Variants in GLRA3 observed in about 807,000 individuals in gnomAD.
GLRA3 encodes glycine receptor subunit alpha-3.
GLRA3 carries 44 observed loss-of-function variants against 60.4 expected under a neutral mutation model. The ratio of observed to expected loss-of-function variants is 0.73; its 90% CI spans 0.57 to 0.94. GLRA3 has a LOEUF of 0.94. GLRA3 is among the 40% of genes least tolerant of loss of function. The pLI, the probability that GLRA3 is intolerant of heterozygous loss-of-function variation, is 0.00. For synonymous variants in GLRA3, 223 were observed against 192.9 expected (o/e 1.16, Z -1.29); for missense variants, 508 against 564.6 (o/e 0.90, Z 1.02).
In GLRA3 at chr4:174,726,376, G is replaced by C. The variant is rs145358844; in HGVS notation, c.491+2099C>G. ...ACCTCAATACCACCTGGTAAGACTG[G>C]AAGTCTGGGCTCCCCATTTGGGCTT... On this transcript the variant is annotated intron_variant, in intron 4 of 9. Transcript: ENST00000274093. Among the ~76,000 whole-genome samples, 694 of 152,304 alleles carry C rather than the reference G, an allele frequency of 4.6e-3. 13 individuals carry two copies. The highest frequency in any genetic ancestry group is 0.035 in the Admixed American group (530 of 15,296).
chr4:174,644,573 T>C (rs10013630), intron 9 of GLRA3, among the ~76,000 whole-genome samples: 81,654 of 151,882 alleles, frequency 0.54, 23,445 homozygotes, highest in African/African-American at 0.74. Flanking sequence ...AATAATACTG[T>C]TTGGTTTATG....
At chr4:174,753,498 A>T (rs976899942) in intron 3 of GLRA3, among the ~76,000 whole-genome samples, 78 of 152,164 alleles carry the variant, frequency 5.1e-4, no homozygotes, top group African/African-American at 1.8e-3. Flanking sequence ...CTTGCTGCCC[A>T]TTTTATCTTT....
At chr4:174,646,035 AC>A (rs1252586252) in intron 9 of GLRA3, among the ~76,000 whole-genome samples, 10 of 152,336 alleles carry the variant, frequency 6.6e-5, no homozygotes, top group African/African-American at 2.4e-4. Context: ...AGGCTTTTAA[AC>A]TATAGCAACC....
At chr4:174,823,775 A>G (rs1339892144) in intron 1 of GLRA3, among the ~76,000 whole-genome samples, 1 of 152,206 alleles carries the variant, frequency 6.6e-6, no homozygotes, top group Non-Finnish European at 1.5e-5. Context: ...AGCTGAAATT[A>G]GAGAAATGCT....
intron 7 of GLRA3, among the ~76,000 whole-genome samples, chr4:174,659,946 A>G (rs2110891648): frequency 6.8e-6 from 1 of 146,510 alleles, no homozygotes; most frequent in Admixed American, 6.9e-5. Context: ...CACTCCAGCC[A>G]GGGCAAAAGA....
At chr4:174,683,355 C>CT (rs199710009) in intron 5 of GLRA3, among the ~76,000 whole-genome samples, 156 of 146,468 alleles carry the variant, frequency 1.1e-3, no homozygotes, top group East Asian at 3.0e-3. Context: ...TAGAAAATGA[C>CT]TTTTTTTTTT....
chr4:174,792,702 A>G (rs1263840857), intron 1 of GLRA3, among the ~76,000 whole-genome samples: 2 of 152,184 alleles, frequency 1.3e-5, no homozygotes, highest in Non-Finnish European at 2.9e-5. Flanking sequence ...AAATGACTCT[A>G]AATGTTTTAA....
intron 1 of GLRA3, among the ~76,000 whole-genome samples, chr4:174,796,464 A>G (rs769503761): frequency 2.0e-5 from 3 of 152,284 alleles, no homozygotes; most frequent in East Asian, 3.9e-4. Context: ...TTTTTTACAC[A>G]AAAGAATTTA....
In GLRA3 at chr4:174,767,033, G is replaced by GA; in HGVS notation, c.200-4dup. 1 of 1,572,026 alleles carries GA rather than the reference G, an allele frequency of 6.4e-7. No homozygotes were observed. On this transcript the variant is annotated splice_polypyrimidine_tract_variant and splice_region_variant and intron_variant, in intron 2 of 9. Transcript: ENST00000274093. ...GCATGTGACATTAACTGGAGGGCCT[G>GA]AAAAAGAGATGAAAACATAAGGGCT...
intron 3 of GLRA3, among the ~76,000 whole-genome samples, chr4:174,744,950 G>A (rs1472046870): frequency 6.6e-6 from 1 of 152,128 alleles, no homozygotes; most frequent in African/African-American, 2.4e-5. Flanking sequence ...AAAAGGGATA[G>A]CTATCTTAGT....
intron 3 of GLRA3, among the ~76,000 whole-genome samples, chr4:174,756,769 C>G (rs1029094321): frequency 6.6e-6 from 1 of 151,942 alleles, no homozygotes; most frequent in African/African-American, 2.4e-5. Flanking sequence ...CTCAGCCTCC[C>G]GAGTAGCTGG....
chr4:174,638,306 T>C lies in GLRA3; in HGVS notation c.*5480A>G, dbSNP rs1732548558. ...AATTCTTTTTTTGTCTGTCTGTTTG[T>C]TTGTGAGACAGAGTCTCACTCTGTC... On this transcript the variant is annotated 3_prime_UTR_variant, in exon 10 of 10. Coordinates refer to ENST00000274093, the MANE Select transcript of GLRA3 (RefSeq NM_006529.4). The C allele has an allele frequency of 6.6e-6, 1 of 152,188 alleles. No individual in the cohort carries two copies. Among genetic ancestry groups the C allele is most frequent in the African/African-American group, 2.4e-5 (1 of 41,450 alleles). The allele number at this position is 152,188 out of a possible 1,614,324, so 9.4% of individuals were successfully genotyped here. A position where few individuals can be genotyped will look rare whatever the true frequency, so the allele number is the denominator to read the frequency against.
chr4:174,788,698 C>A (rs1739215919), intron 2 of GLRA3, 118 bp downstream of exon 2: 2 of 509,452 alleles, frequency 3.9e-6, no homozygotes, highest in Non-Finnish European at 3.1e-6. Flanking sequence ...GTGACTAATG[C>A]AATATTTGGA....
intron 1 of GLRA3, among the ~76,000 whole-genome samples, chr4:174,806,956 G>T (rs183246079): frequency 6.4e-4 from 98 of 152,132 alleles, no homozygotes; most frequent in African/African-American, 2.3e-3. Context: ...TATACCTTCT[G>T]TTGGAAGAAA....
chr4:174,807,419 T>C (rs1043224664), intron 1 of GLRA3, among the ~76,000 whole-genome samples: 1 of 152,002 alleles, frequency 6.6e-6, no homozygotes, highest in Non-Finnish European at 1.5e-5. Context: ...AAACGAGAAA[T>C]TCCTACAAGT....
intron 3 of GLRA3, among the ~76,000 whole-genome samples, chr4:174,754,283 T>G (rs1227001958): frequency 6.6e-6 from 1 of 152,134 alleles, no homozygotes; most frequent in Non-Finnish European, 1.5e-5. Context: ...TAAGCCCATT[T>G]CTGATTGATG....
intron 3 of GLRA3, among the ~76,000 whole-genome samples, chr4:174,729,960 G>C (rs576612722): frequency 2.6e-5 from 4 of 152,160 alleles, no homozygotes; most frequent in Non-Finnish European, 5.9e-5. Context: ...GTCAGAGTTT[G>C]TACTGAATGT....
At chr4:174,669,062 G>A (rs1221482131) in intron 7 of GLRA3, among the ~76,000 whole-genome samples, 2 of 151,794 alleles carry the variant, frequency 1.3e-5, no homozygotes, top group Admixed American at 6.6e-5. Flanking sequence ...CTCTGCTTGT[G>A]TTATGCCTTG....
chr4:174,764,049 A>G (rs578090892), intron 3 of GLRA3, among the ~76,000 whole-genome samples: 1 of 152,294 alleles, frequency 6.6e-6, no homozygotes, highest in East Asian at 1.9e-4. Context: ...GTACTACATG[A>G]AATTAATCAG....
Sources: allele counts gnomAD v4.1 joint callset (sites outside exome capture counted in the v4.1 genomes callset), GRCh38; gene constraint gnomAD v4.1.1; transcripts MANE v1.5; gene names NCBI Gene and HGNC (gene_info 2026-07-23, HGNC 2026-07-21).